CATSPERT: variants seen among roughly 807,000 people sequenced by gnomAD.
CATSPERT encodes the protein catsper channel auxiliary subunit tau.
At chr2:201,579,152 A>T in the CATSPERT span, among the ~76,000 whole-genome samples, 1 of 152,214 alleles carries the variant, frequency 6.6e-6, no homozygotes, top group Non-Finnish European at 1.5e-5. Flanking sequence ...ATTATACCCA[A>T]GAAAATTAAC....
the CATSPERT span, chr2:201,496,090 C>T: frequency 1.8e-6 from 1 of 550,484 alleles, no homozygotes; most frequent in Non-Finnish European, 3.0e-6. Flanking sequence ...TTTATCATAA[C>T]AACTATACCT....
the CATSPERT span, among the ~76,000 whole-genome samples, chr2:201,490,082 C>T: frequency 6.6e-6 from 1 of 152,144 alleles, no homozygotes; most frequent in Non-Finnish European, 1.5e-5. Context: ...GTCTCAAATT[C>T]CTGGCCTCAA....
chr2:201,511,311 A>T, the CATSPERT span, among the ~76,000 whole-genome samples: 1 of 152,296 alleles, frequency 6.6e-6, no homozygotes, highest in East Asian at 1.9e-4. Context: ...TAAAGTTAAT[A>T]CTTACCGTTT....
At chr2:201,590,584 T>G in the CATSPERT span, among the ~76,000 whole-genome samples, 1 of 152,174 alleles carries the variant, frequency 6.6e-6, no homozygotes, top group Admixed American at 6.5e-5. Context: ...ATGGTTGAAC[T>G]AGTTTACAGT....
chr2:201,612,770 G>A, the CATSPERT span, among the ~76,000 whole-genome samples: 1 of 152,128 alleles, frequency 6.6e-6, no homozygotes. Context: ...CACCCAGGAA[G>A]CACAGAGGGT....
chr2:201,571,300 G>T, the CATSPERT span, among the ~76,000 whole-genome samples: 1 of 152,108 alleles, frequency 6.6e-6, no homozygotes, highest in Non-Finnish European at 1.5e-5. Context: ...ACAATTTCCC[G>T]TTCAACACCT....
At chr2:201,518,129 C>T in the CATSPERT span, among the ~76,000 whole-genome samples, 1 of 152,178 alleles carries the variant, frequency 6.6e-6, no homozygotes, top group African/African-American at 2.4e-5. Flanking sequence ...TGTAGGTTAG[C>T]CAAGATTAAG....
the CATSPERT span, among the ~76,000 whole-genome samples, chr2:201,501,581 C>T: frequency 7.3e-5 from 11 of 151,626 alleles, no homozygotes; most frequent in East Asian, 5.8e-4. Context: ...AATAGAAACA[C>T]GATAGAGAAT....
At chr2:201,597,189 C>T in the CATSPERT span, among the ~76,000 whole-genome samples, 2 of 152,066 alleles carry the variant, frequency 1.3e-5, no homozygotes, top group South Asian at 2.1e-4. Context: ...AAAACTTGGC[C>T]TTTCTGGGAT....
the CATSPERT span, chr2:201,603,157 T>A: frequency 2.0e-6 from 3 of 1,465,498 alleles, no homozygotes; most frequent in Non-Finnish European, 2.8e-6. Flanking sequence ...TGGTTTGTAA[T>A]GCAGCAATGG....
the CATSPERT span, among the ~76,000 whole-genome samples, chr2:201,533,405 A>G: frequency 6.6e-6 from 1 of 152,204 alleles, no homozygotes; most frequent in South Asian, 2.1e-4. Context: ...AGAACTTCAG[A>G]ATTACTATGG....
chr2:201,578,764 A>G, the CATSPERT span, among the ~76,000 whole-genome samples: 1 of 152,196 alleles, frequency 6.6e-6, no homozygotes. Flanking sequence ...ATATGCTTCT[A>G]GTCTAAGTAT....
the CATSPERT span, among the ~76,000 whole-genome samples, chr2:201,541,529 TTTTATATATATATATATATA>T: frequency 1.4e-5 from 1 of 69,104 alleles, no homozygotes; most frequent in Non-Finnish European, 2.6e-5. Flanking sequence ...GCTCAGATGA[TTTTATATATATATATATATA>T]TATATATATA....
chr2:201,614,065 G>T, the CATSPERT span, among the ~76,000 whole-genome samples: 1 of 152,170 alleles, frequency 6.6e-6, no homozygotes, highest in African/African-American at 2.4e-5. Flanking sequence ...TACGTGAAAA[G>T]ACCAAATCTA....
At chr2:201,551,376 T>C in the CATSPERT span, among the ~76,000 whole-genome samples, 24 of 152,230 alleles carry the variant, frequency 1.6e-4, no homozygotes, top group East Asian at 1.9e-4. Flanking sequence ...TATTATAAAG[T>C]ACTACTCTAT....
chr2:201,547,693 A>G, the CATSPERT span: 1 of 653,452 alleles, frequency 1.5e-6, no homozygotes, highest in Non-Finnish European at 2.5e-6. Flanking sequence ...AATACTTGCA[A>G]TGTGATCCAT....
the CATSPERT span, chr2:201,491,886 C>T: frequency 7.1e-5 from 109 of 1,536,718 alleles, no homozygotes; most frequent in Admixed American, 1.2e-4. Flanking sequence ...GAGGAAGCTG[C>T]GTGAATACAT....
the CATSPERT span, chr2:201,492,687 A>T: frequency 6.5e-7 from 1 of 1,534,994 alleles, no homozygotes; most frequent in Non-Finnish European, 8.7e-7. Context: ...TATCTATGAA[A>T]TGATGATTGA....
At chr2:201,489,688 G>A in the CATSPERT span, among the ~76,000 whole-genome samples, 1 of 152,008 alleles carries the variant, frequency 6.6e-6, no homozygotes, top group Non-Finnish European at 1.5e-5. Flanking sequence ...TTTAATATGA[G>A]TTTTACTTAC....
Sources: gnomAD v4.1 joint callset for allele counts (sites outside exome capture counted in the v4.1 genomes callset) on GRCh38, gnomAD v4.1.1 for gene constraint, MANE v1.5 for transcripts, NCBI Gene and HGNC (gene_info 2026-07-23, HGNC 2026-07-21) for gene names.